FTO: variants seen among roughly 807,000 people sequenced by gnomAD.
FTO encodes alpha-ketoglutarate-dependent dioxygenase FTO.
Under a neutral mutation model 63.9 loss-of-function variants are expected in FTO, and 47 were observed. That is an observed-to-expected ratio of 0.74 (90% CI 0.58 to 0.94). The LOEUF is 0.94. Ranked by LOEUF, FTO falls within the 40% of genes least tolerant of loss-of-function variation. FTO has a pLI of 0.00. For missense variants in FTO, 562 were observed against 618.1 expected (o/e 0.91, Z 0.96); for synonymous variants, 207 against 224.4 (o/e 0.92, Z 0.69).
chr16:53,727,804 GA>G (rs1026926855), intron 1 of FTO, among the ~76,000 whole-genome samples: 42 of 152,298 alleles, frequency 2.8e-4, no homozygotes, highest in African/African-American at 9.4e-4. Context: ...TGGAAAAATA[GA>G]GATACTAATA....
At chr16:54,051,481 T>A (rs1288124248) in intron 8 of FTO, among the ~76,000 whole-genome samples, 1 of 152,234 alleles carries the variant, frequency 6.6e-6, no homozygotes, top group African/African-American at 2.4e-5. Flanking sequence ...TGAGCCAGGC[T>A]TTGCCGTGGA....
At chr16:53,782,164 T>G (rs1351090887) in intron 1 of FTO, among the ~76,000 whole-genome samples, 1 of 152,228 alleles carries the variant, frequency 6.6e-6, no homozygotes, top group African/African-American at 2.4e-5. Context: ...ACCAAGGTCC[T>G]TATAGGAAGA....
At chr16:54,106,466 A>G (rs1157488310) in intron 8 of FTO, among the ~76,000 whole-genome samples, 1 of 146,524 alleles carries the variant, frequency 6.8e-6, no homozygotes, top group African/African-American at 2.5e-5. Context: ...TATATACTTT[A>G]TATACACATA....
Position 54,111,983 on chromosome 16 carries a change from T to G in FTO, c.*68T>G. The G allele has an allele frequency of 6.3e-7, 1 of 1,578,786 alleles. No individual in the cohort carries two copies. The highest frequency in any genetic ancestry group is 1.1e-5 in the South Asian group (1 of 90,168). On this transcript the variant is annotated 3_prime_UTR_variant, in exon 9 of 9. Coordinates refer to ENST00000471389, the MANE Select transcript of FTO (RefSeq NM_001080432.3). ...TTTCTCCTCCAACGTTGTCATGGGC[T>G]TAAGCAAGAGCAGTGGAGACTTCTC...
At chr16:54,033,779 G>A (rs543152534) in intron 8 of FTO, among the ~76,000 whole-genome samples, 2 of 152,192 alleles carry the variant, frequency 1.3e-5, no homozygotes, top group East Asian at 3.9e-4. Context: ...ATCATGCCAT[G>A]TACTCCAGGC....
At chr16:53,842,268 C>T (rs1351551890) in intron 3 of FTO, among the ~76,000 whole-genome samples, 1 of 152,190 alleles carries the variant, frequency 6.6e-6, no homozygotes, top group African/African-American at 2.4e-5. Context: ...ATGTCCCCTT[C>T]ATGGTAATCA....
chr16:53,728,834 C>T (rs747405228), intron 1 of FTO, among the ~76,000 whole-genome samples: 6 of 148,508 alleles, frequency 4.0e-5, no homozygotes, highest in Non-Finnish European at 7.4e-5. Flanking sequence ...GTGATCTTGG[C>T]TTATAGCAAC....
chr16:53,887,163 C>T (rs764508527), intron 6 of FTO, among the ~76,000 whole-genome samples: 6 of 152,170 alleles, frequency 3.9e-5, no homozygotes, highest in African/African-American at 1.4e-4. Flanking sequence ...AGGAATAGTT[C>T]GATCAAGGGT....
chr16:53,920,871 G>A (rs113774373), intron 7 of FTO, among the ~76,000 whole-genome samples: 1,709 of 152,264 alleles, frequency 0.011, 18 homozygotes, highest in Non-Finnish European at 0.017. Flanking sequence ...GGGGGCAGTA[G>A]TAAGGTCTCA....
chr16:54,075,979 C>T (rs578132432), intron 8 of FTO, among the ~76,000 whole-genome samples: 13 of 152,174 alleles, frequency 8.5e-5, no homozygotes, highest in South Asian at 8.3e-4. Context: ...TATGCGAGGC[C>T]GGATTCCCCA....
intron 1 of FTO, among the ~76,000 whole-genome samples, chr16:53,787,729 G>A (rs2077788683): frequency 6.6e-6 from 1 of 152,114 alleles, no homozygotes; most frequent in Non-Finnish European, 1.5e-5. Context: ...TGTGTAGCAT[G>A]TCCCTAGTAG....
chr16:53,796,976 C>T (rs180987414), intron 1 of FTO, among the ~76,000 whole-genome samples: 6 of 152,332 alleles, frequency 3.9e-5, no homozygotes, highest in East Asian at 1.9e-4. Flanking sequence ...TACTAATCTG[C>T]TTTCTGTCAC....
At chr16:53,947,390 A>G (rs1465889715) in intron 8 of FTO, among the ~76,000 whole-genome samples, 4 of 152,216 alleles carry the variant, frequency 2.6e-5, no homozygotes, top group African/African-American at 9.6e-5. Flanking sequence ...TCATGATGTT[A>G]GGCATCATCT....
At chr16:53,751,103 C>G (rs1339561766) in intron 1 of FTO, among the ~76,000 whole-genome samples, 1 of 152,078 alleles carries the variant, frequency 6.6e-6, no homozygotes, top group Non-Finnish European at 1.5e-5. Flanking sequence ...TTGTCCTGGG[C>G]CACACATAAA....
chr16:53,835,454 A>C (rs7203572), intron 3 of FTO, among the ~76,000 whole-genome samples: 40,560 of 152,078 alleles, frequency 0.27, 5,807 homozygotes, highest in African/African-American at 0.37. Context: ...CCACCTTGGT[A>C]TATGTAGGTT....
chr16:53,786,854 G>A (rs2077753300), intron 1 of FTO, among the ~76,000 whole-genome samples: 1 of 152,056 alleles, frequency 6.6e-6, no homozygotes, highest in Non-Finnish European at 1.5e-5. Flanking sequence ...GCTCACGCCT[G>A]TGTTTCCAGG....
intron 1 of FTO, among the ~76,000 whole-genome samples, chr16:53,720,906 C>T (rs2076024567): frequency 6.6e-6 from 1 of 152,016 alleles, no homozygotes; most frequent in African/African-American, 2.4e-5. Flanking sequence ...CCTCCCACCC[C>T]AGGCTCCTCA....
intron 8 of FTO, among the ~76,000 whole-genome samples, chr16:53,963,878 A>G (rs2083139873): frequency 6.6e-6 from 1 of 152,052 alleles, no homozygotes; most frequent in Non-Finnish European, 1.5e-5. Flanking sequence ...TCAGCCTCCC[A>G]AGTAGCTGGG....
intron 8 of FTO, among the ~76,000 whole-genome samples, chr16:54,032,754 G>T (rs1295708575): frequency 6.6e-6 from 1 of 152,136 alleles, no homozygotes; most frequent in Non-Finnish European, 1.5e-5. Flanking sequence ...TCATGCTGAA[G>T]TATGGTCCCC....
Sources: gnomAD v4.1 joint callset for allele counts (sites outside exome capture counted in the v4.1 genomes callset) on GRCh38, gnomAD v4.1.1 for gene constraint, MANE v1.5 for transcripts, NCBI Gene and HGNC (gene_info 2026-07-23, HGNC 2026-07-21) for gene names.